The following ARMH4 variants were observed in gnomAD, a reference collection of about 807,000 sequenced individuals.
ARMH4 encodes the protein armadillo like helical domain containing 4.
ARMH4 carries 49 observed loss-of-function variants against 61.9 expected under a neutral mutation model. That is an observed-to-expected ratio of 0.79 (90% CI 0.63 to 1.00). The LOEUF (loss-of-function observed/expected upper bound fraction) is 1.00, where lower values mean the gene tolerates loss of function less well. Among genes scored for constraint, ARMH4 ranks in the 50% least tolerant of loss-of-function variants. ARMH4 has a pLI of 0.00. For missense variants in ARMH4, 934 were observed against 930.0 expected (o/e 1.00, Z -0.06); for synonymous variants, 368 against 341.5 (o/e 1.08, Z -0.85).
At chr14:58,057,473 G>A (rs1884381649) in intron 5 of ARMH4, among the ~76,000 whole-genome samples, 1 of 152,144 alleles carries the variant, frequency 6.6e-6, no homozygotes, top group African/African-American at 2.4e-5. Flanking sequence ...CATATAACTA[G>A]TTAGTGTTGA....
At chr14:58,046,563 C>A (rs1274466572) in intron 5 of ARMH4, among the ~76,000 whole-genome samples, 1 of 152,144 alleles carries the variant, frequency 6.6e-6, no homozygotes, top group African/African-American at 2.4e-5. Flanking sequence ...TCAAAGAGCC[C>A]AAACCTGTTG....
At chr14:58,058,268 T>C (rs1181683227) in intron 5 of ARMH4, among the ~76,000 whole-genome samples, 3 of 152,214 alleles carry the variant, frequency 2.0e-5, no homozygotes, top group South Asian at 2.1e-4. Context: ...GCCATGTAAA[T>C]AGTTGTTATA....
chr14:58,111,007 G>C (rs1243463124), intron 4 of ARMH4, among the ~76,000 whole-genome samples: 1 of 152,012 alleles, frequency 6.6e-6, no homozygotes, highest in Non-Finnish European at 1.5e-5. Flanking sequence ...ACCTGCCTCA[G>C]CTTCCCAAAG....
intron 5 of ARMH4, among the ~76,000 whole-genome samples, chr14:58,074,680 C>T (rs1425254811): frequency 6.6e-6 from 1 of 152,014 alleles, no homozygotes; most frequent in East Asian, 1.9e-4. Context: ...TTCCACCATA[C>T]CATGCAATAG....
chr14:58,046,097 G>C (rs1245800527), intron 5 of ARMH4, among the ~76,000 whole-genome samples: 7 of 152,286 alleles, frequency 4.6e-5, no homozygotes, highest in Admixed American at 4.6e-4. Flanking sequence ...ATGGTCTTTT[G>C]TTATGGCAGC....
At chr14:58,086,718 T>A (rs1475789792) in intron 5 of ARMH4, among the ~76,000 whole-genome samples, 2 of 152,194 alleles carry the variant, frequency 1.3e-5, no homozygotes, top group Non-Finnish European at 2.9e-5. Flanking sequence ...CTAGATGTTC[T>A]GAGGTTCCCC....
At chr14:58,080,117 T>TTATA (rs34824218) in intron 5 of ARMH4, among the ~76,000 whole-genome samples, 2 of 145,886 alleles carry the variant, frequency 1.4e-5, no homozygotes, top group African/African-American at 5.2e-5. Flanking sequence ...TTATATTTAT[T>TTATA]TATATATATA....
At chr14:58,030,491 T>C (rs191038841) in intron 5 of ARMH4, among the ~76,000 whole-genome samples, 59 of 152,318 alleles carry the variant, frequency 3.9e-4, no homozygotes, top group South Asian at 1.7e-3. Context: ...GAAATGACCA[T>C]CTTAACCATT....
chr14:58,016,948 T>C (rs1255889253), intron 5 of ARMH4, among the ~76,000 whole-genome samples: 1 of 152,212 alleles, frequency 6.6e-6, no homozygotes, highest in Non-Finnish European at 1.5e-5. Flanking sequence ...TTGCCACTTA[T>C]ATTCAACTTT....
intron 5 of ARMH4, among the ~76,000 whole-genome samples, chr14:58,021,178 A>G (rs1442981857): frequency 6.6e-6 from 1 of 152,174 alleles, no homozygotes; most frequent in Non-Finnish European, 1.5e-5. Context: ...TTCAAATGCG[A>G]TACGGTCTGG....
intron 4 of ARMH4, among the ~76,000 whole-genome samples, chr14:58,099,470 C>G (rs1885881079): frequency 6.6e-6 from 1 of 152,108 alleles, no homozygotes; most frequent in Non-Finnish European, 1.5e-5. Flanking sequence ...GGGTGTCCCT[C>G]TGGCTTGGAC....
intron 5 of ARMH4, among the ~76,000 whole-genome samples, chr14:58,018,457 T>C (rs1882695800): frequency 8.3e-6 from 1 of 119,958 alleles, no homozygotes; most frequent in Admixed American, 8.4e-5. Context: ...AAGGACTGAA[T>C]AGACATTTCT....
intron 5 of ARMH4, among the ~76,000 whole-genome samples, chr14:58,057,646 C>A (rs1372326585): frequency 1.3e-5 from 2 of 151,792 alleles, no homozygotes; most frequent in Non-Finnish European, 2.9e-5. Context: ...GATGTAGTGA[C>A]CAAAATGCTG....
intron 5 of ARMH4, among the ~76,000 whole-genome samples, chr14:58,064,298 A>C (rs1001157954): frequency 6.6e-6 from 1 of 152,258 alleles, no homozygotes; most frequent in African/African-American, 2.4e-5. Flanking sequence ...GAATAAGCAG[A>C]AGATAGTTGT....
intron 5 of ARMH4, among the ~76,000 whole-genome samples, chr14:58,088,874 A>G (rs573898700): frequency 1.3e-5 from 2 of 152,308 alleles, no homozygotes; most frequent in African/African-American, 4.8e-5. Context: ...TCCATTCACA[A>G]TGTACAGCAA....
At chr14:58,041,843 C>A (rs1017193758) in intron 5 of ARMH4, among the ~76,000 whole-genome samples, 7 of 151,948 alleles carry the variant, frequency 4.6e-5, no homozygotes, top group African/African-American at 1.7e-4. Flanking sequence ...TCAAAAGAGA[C>A]AAAGAAGGCC....
At chr14:58,038,566 A>ATT (rs1566551497) in intron 5 of ARMH4, among the ~76,000 whole-genome samples, 1 of 146,672 alleles carries the variant, frequency 6.8e-6, no homozygotes. Context: ...AAAAAATTAA[A>ATT]AAAAAAAAAA....
intron 4 of ARMH4, among the ~76,000 whole-genome samples, chr14:58,113,894 G>A (rs1886431438): frequency 6.6e-6 from 1 of 151,640 alleles, no homozygotes; most frequent in Admixed American, 6.6e-5. Flanking sequence ...ATTTTTGATA[G>A]TGTTTTATTA....
At chr14:58,045,279 G>A (rs1883892358) in intron 5 of ARMH4, among the ~76,000 whole-genome samples, 1 of 152,186 alleles carries the variant, frequency 6.6e-6, no homozygotes, top group Non-Finnish European at 1.5e-5. Context: ...ATACTATGCA[G>A]CCATAAAAAA....
Sources: allele counts gnomAD v4.1 joint callset (sites outside exome capture counted in the v4.1 genomes callset), GRCh38; gene constraint gnomAD v4.1.1; transcripts MANE v1.5; gene names NCBI Gene and HGNC (gene_info 2026-07-23, HGNC 2026-07-21).